The following ADH4 variants were observed in gnomAD, a reference collection of about 807,000 sequenced individuals.
ADH4 encodes all-trans-retinol dehydrogenase [NAD(+)] ADH4.
In ADH4, 31 loss-of-function variants were observed where a neutral mutation model predicts 35.2. The ratio of observed to expected loss-of-function variants is 0.88; its 90% CI spans 0.66 to 1.19. ADH4 has a LOEUF of 1.19. Among genes scored for constraint, ADH4 ranks in the 50% most tolerant of loss-of-function variants. The probability of loss-of-function intolerance (pLI) is 0.00; values close to 1 mark genes in which losing one functional copy is unlikely to be tolerated. For missense variants in ADH4, 476 were observed against 458.3 expected (o/e 1.04, Z -0.35); for synonymous variants, 171 against 160.2 (o/e 1.07, Z -0.51).
chr4:99,130,867 A>G (rs573873936), intron 6 of ADH4, among the ~76,000 whole-genome samples: 45 of 151,638 alleles, frequency 3.0e-4, no homozygotes, highest in African/African-American at 1.1e-3. Context: ...ACACATGCAC[A>G]TATTGTTTAT....
In ADH4 at chr4:99,131,644, A is replaced by G. The variant is rs766382847; in HGVS notation, c.703T>C (p.Phe235Leu). Residue 235 changes from phenylalanine to leucine, a missense_variant, in exon 6 of 9, where the codon TTT (phenylalanine) becomes CTT (leucine). By Grantham distance (22) the Phe-to-Leu change is conservative. Coordinates refer to ENST00000265512, the MANE Select transcript of ADH4 (RefSeq NM_000670.5). ...IIGIDINSEK[F>L]VKAKALGATD... ...GCTCCCAGGGCTTTAGCCTTCACAA[A>G]CTTCTCACTGTTGATGTCAATACCT... 1.2e-6 allele frequency: 2 copies of G among 1,613,918 alleles called. No homozygotes were observed. The highest frequency in any genetic ancestry group is 4.5e-5 in the East Asian group (2 of 44,882).
chr4:99,129,280 A>C (rs1162250978), intron 6 of ADH4, among the ~76,000 whole-genome samples: 1 of 152,088 alleles, frequency 6.6e-6, no homozygotes, highest in Non-Finnish European at 1.5e-5. Flanking sequence ...CTTATGGTAA[A>C]ATCTTGTCCT....
chr4:99,127,223 C>G lies in ADH4; in HGVS notation c.965G>C (p.Gly322Ala). 6.2e-7 allele frequency: 1 copy of G among 1,605,954 alleles called. No individual in the cohort carries two copies. The highest frequency in any genetic ancestry group is 8.5e-7 in the Non-Finnish European group (1 of 1,176,866). ...AAAAAACTGACCACCAAAGAATGTT[C>G]CATTTATAGTACGGCCGATTATTAG... ...EELIIGRTIN[G>A]TFFGGWKSVD... The change falls in exon 7 of 9, where the codon GGA (glycine) becomes GCA (alanine). Residue 322 changes from glycine (G) to alanine (A), a missense_variant. Physicochemically the swap from Gly to Ala is moderately conservative, Grantham distance 60. Coordinates refer to ENST00000265512, the MANE Select transcript of ADH4 (RefSeq NM_000670.5).
chr4:99,140,670 C>T (rs1013287491), intron 3 of ADH4, among the ~76,000 whole-genome samples: 1 of 151,858 alleles, frequency 6.6e-6, no homozygotes, highest in African/African-American at 2.4e-5. Context: ...TAGTTCGAGA[C>T]CAGCCTAGCC....
intron 5 of ADH4, among the ~76,000 whole-genome samples, chr4:99,133,134 G>T (rs527683495): frequency 1.3e-5 from 2 of 152,226 alleles, no homozygotes; most frequent in East Asian, 3.9e-4. Context: ...CTAGTAGTTG[G>T]ATTCTCAGGC....
chr4:99,127,941 G>A (rs746914567), intron 6 of ADH4, among the ~76,000 whole-genome samples: 9 of 151,438 alleles, frequency 5.9e-5, no homozygotes, highest in Non-Finnish European at 1.2e-4. Context: ...AATGTTTAAA[G>A]TGTCAGGGTT....
chr4:99,131,468 C>T (rs1729267787), intron 6 of ADH4, 36 bp downstream of exon 6: 1 of 1,594,972 alleles, frequency 6.3e-7, no homozygotes. Context: ...CCAAAGAATA[C>T]ATTGAAAATA....
chr4:99,135,972 CCTT>C (rs1729420889), intron 5 of ADH4, among the ~76,000 whole-genome samples: 1 of 152,124 alleles, frequency 6.6e-6, no homozygotes. Flanking sequence ...CAGAGACCCT[CCTT>C]TGAAGCCACA....
intron 5 of ADH4, 65 bp from the exon 6 acceptor site, chr4:99,131,829 G>A: frequency 6.5e-7 from 1 of 1,537,968 alleles, no homozygotes; most frequent in South Asian, 1.2e-5. Context: ...TCTTTTAAGA[G>A]TCAGGAGGAA....
chr4:99,126,048 G>C (rs936781085), intron 8 of ADH4, among the ~76,000 whole-genome samples: 1 of 152,102 alleles, frequency 6.6e-6, no homozygotes, highest in African/African-American at 2.4e-5. Flanking sequence ...CTATGCATCA[G>C]TTCCTGGGAT....
At chr4:99,135,093 A>G (rs1270976130) in intron 5 of ADH4, among the ~76,000 whole-genome samples, 2 of 152,226 alleles carry the variant, frequency 1.3e-5, no homozygotes, top group East Asian at 3.9e-4. Context: ...AAATAGTACA[A>G]TAGGACAAAA....
At chr4:99,141,281 A>G (rs1433261582) in intron 3 of ADH4, among the ~76,000 whole-genome samples, 1 of 152,204 alleles carries the variant, frequency 6.6e-6, no homozygotes, top group Non-Finnish European at 1.5e-5. Context: ...CTAACCTCAT[A>G]ACTTTGCTTC....
Position 99,127,208 on chromosome 4 carries a change from C to A in ADH4, c.979+1G>T. The A allele has an allele frequency of 1.9e-6, 3 of 1,585,228 alleles. No individual in the cohort carries two copies. Among genetic ancestry groups the A allele is most frequent in the East Asian group, 2.3e-5 (1 of 44,396 alleles). ...AAGCTATGAAGAAAAAAAAAACTGA[C>A]CACCAAAGAATGTTCCATTTATAGT... On this transcript the variant is annotated splice_donor_variant, in intron 7 of 8. Transcript: ENST00000265512. LOFTEE classifies it high-confidence loss of function.
chr4:99,128,105 T>C (rs1481695386), intron 6 of ADH4, among the ~76,000 whole-genome samples: 1 of 152,188 alleles, frequency 6.6e-6, no homozygotes, highest in Non-Finnish European at 1.5e-5. Flanking sequence ...TTTAACCTTA[T>C]GGTTCTTACT....
rs750540722 is a variant in ADH4, at chr4:99,136,708, A to T, written c.351-11T>A. Reference sequence around the variant, plus strand: ...GGACTTTTGAGATTACTAGAAAATTAAAAAAAAGAGTGATACAAATAAAGA... The same window carrying T: ...GGACTTTTGAGATTACTAGAAAATTTAAAAAAAGAGTGATACAAATAAAGA... On this transcript the variant is annotated splice_polypyrimidine_tract_variant and intron_variant, in intron 4 of 8. Transcript: ENST00000265512. The T allele has an allele frequency of 1.2e-5, 17 of 1,475,276 alleles. No individual in the cohort carries two copies. Among genetic ancestry groups the T allele is most frequent in the South Asian group, 6.9e-5 (6 of 86,590 alleles). The allele number at this position is 1,475,276 out of a possible 1,614,324, so 91.4% of individuals were successfully genotyped here.
intron 6 of ADH4, among the ~76,000 whole-genome samples, chr4:99,130,444 G>T (rs910055725): frequency 1.3e-5 from 2 of 152,140 alleles, no homozygotes; most frequent in African/African-American, 4.8e-5. Flanking sequence ...AAGCTACAGG[G>T]TGTTGACCCT....
At position 99,143,016 on chromosome 4, in the gene ADH4, A is replaced by G. The variant is rs768869623; in HGVS notation, c.19-236T>C. ...TAGTCATTACATTTTTTATTTCTTG[A>G]AAAAAAAACAGGTGTATTAAAGTTT... On this transcript the variant is annotated intron_variant, in intron 1 of 8. Transcript: ENST00000265512. 3.9e-4 allele frequency: 200 copies of G among 518,560 alleles called. 1 individual carries two copies. Among genetic ancestry groups the G allele is most frequent in the Non-Finnish European group, 6.2e-5 (19 of 308,820 alleles). 32.1% of individuals were successfully genotyped at this position (518,560 alleles called of 1,614,324 possible). A position where few individuals can be genotyped will look rare whatever the true frequency, so the allele number is the denominator to read the frequency against.
chr4:99,124,910 T>G (rs940797497), intron 8 of ADH4, among the ~76,000 whole-genome samples: 1 of 151,996 alleles, frequency 6.6e-6, no homozygotes, highest in African/African-American at 2.4e-5. Flanking sequence ...AACTCCAACA[T>G]GTAGACACAA....
At chr4:99,131,432 A>T in intron 6 of ADH4, 72 bp downstream of exon 6, 1 of 1,507,960 alleles carries the variant, frequency 6.6e-7, no homozygotes, top group Non-Finnish European at 9.0e-7. Flanking sequence ...AATAAACATA[A>T]TCCACTTTCC....
Sources: allele counts gnomAD v4.1 joint callset (sites outside exome capture counted in the v4.1 genomes callset), GRCh38; gene constraint gnomAD v4.1.1; transcripts MANE v1.5; gene names NCBI Gene and HGNC (gene_info 2026-07-23, HGNC 2026-07-21).